CASQ2: variants seen among roughly 807,000 people sequenced by gnomAD.
CASQ2 encodes calsequestrin 2, also known as calsequestrin-2.
In CASQ2, 49 loss-of-function variants were observed where a neutral mutation model predicts 46.5. The observed-to-expected ratio is 1.05, with a 90% confidence interval of 0.84 to 1.34. The LOEUF (loss-of-function observed/expected upper bound fraction) is 1.34. CASQ2 is among the 40% of genes most tolerant of loss of function. CASQ2 has a pLI of 0.00. For missense variants in CASQ2, 486 were observed against 481.3 expected, an observed-to-expected ratio of 1.01 and a Z score of -0.09; for synonymous variants, 174 against 168.5, an observed-to-expected ratio of 1.03 and a Z score of -0.25.
At chr1:115,758,418 A>G (rs1648832839) in intron 1 of CASQ2, among the ~76,000 whole-genome samples, 2 of 152,206 alleles carry the variant, frequency 1.3e-5, no homozygotes, top group Admixed American at 1.3e-4. Context: ...CTACTGAGTC[A>G]GGCACTGGTT....
chr1:115,746,608 T>C (rs937978681), intron 1 of CASQ2, among the ~76,000 whole-genome samples: 1 of 152,248 alleles, frequency 6.6e-6, no homozygotes, highest in Non-Finnish European at 1.5e-5. Context: ...TTAAATGTCC[T>C]GATTTGCCAT....
At position 115,727,003 on chromosome 1, in the gene CASQ2, C is replaced by T; in HGVS notation, c.726G>A (p.Lys242=). The part of the protein sequence containing the change: ...YTEEELVEFV[K]EHQRPTLRRL... ...GCCATCTCAGGCACCTTTGGTGTTC[C>T]TTCACAAACTCCACCAGCTCCTCTT... Residue 242 remains lysine, a synonymous_variant, in exon 6 of 11, where the codon AAG becomes AAA. Transcript: ENST00000261448. 6.2e-7 allele frequency: 1 copy of T among 1,611,472 alleles called. No individual in the cohort carries two copies.
intron 1 of CASQ2, among the ~76,000 whole-genome samples, chr1:115,760,349 C>A (rs1648894415): frequency 6.6e-6 from 1 of 152,166 alleles, no homozygotes; most frequent in South Asian, 2.1e-4. Flanking sequence ...TGAGATATGG[C>A]CTGAGATTCT....
intron 5 of CASQ2, among the ~76,000 whole-genome samples, chr1:115,729,812 C>T (rs1647726709): frequency 6.6e-6 from 1 of 152,164 alleles, no homozygotes; most frequent in South Asian, 2.1e-4. Flanking sequence ...TTAGGTCTTC[C>T]CAACATCTAT....
intron 1 of CASQ2, among the ~76,000 whole-genome samples, chr1:115,745,865 A>T (rs910294487): frequency 1.3e-5 from 2 of 152,222 alleles, no homozygotes; most frequent in African/African-American, 2.4e-5. Context: ...CATCTTGCAA[A>T]ACGGAGGTAC....
intron 1 of CASQ2, among the ~76,000 whole-genome samples, chr1:115,767,553 G>C (rs542508246): frequency 6.6e-6 from 1 of 152,188 alleles, no homozygotes; most frequent in South Asian, 2.1e-4. Flanking sequence ...GCACCCTCAG[G>C]CCCTCTTAAA....
At chr1:115,706,113 T>A (rs1654350545) in intron 8 of CASQ2, among the ~76,000 whole-genome samples, 1 of 152,040 alleles carries the variant, frequency 6.6e-6, no homozygotes, top group Non-Finnish European at 1.5e-5. Context: ...TTCTGGAAGG[T>A]CCCTGAGAAT....
chr1:115,739,367 G>A (rs549746152), intron 3 of CASQ2, among the ~76,000 whole-genome samples: 3 of 151,962 alleles, frequency 2.0e-5, no homozygotes, highest in South Asian at 2.1e-4. Flanking sequence ...AGCCCACCTT[G>A]GCCTCCCAAA....
intron 1 of CASQ2, among the ~76,000 whole-genome samples, chr1:115,757,708 C>A (rs12729460): frequency 0.058 from 8,799 of 152,096 alleles, 324 homozygotes; most frequent in Non-Finnish European, 0.088. Flanking sequence ...CTAAGAATCC[C>A]ATGGCTTAAA....
rs143285693 is a variant in CASQ2, at chr1:115,731,780, T to C, written c.606+1121A>G. ...TTCATCCTCTGTAGAATGAGGATAC[T>C]AATTCCTCCCTTATGGGAGTGTTGA... On this transcript the variant is annotated intron_variant, in intron 5 of 10. Coordinates refer to ENST00000261448, the MANE Select transcript of CASQ2 (RefSeq NM_001232.4). 1.9e-4 allele frequency among the ~76,000 whole-genome samples: 29 copies of C among 152,366 alleles called. 1 individual carries two copies. In the East Asian group the frequency reaches 5.4e-3, roughly 28 times the overall value.
intron 8 of CASQ2, among the ~76,000 whole-genome samples, chr1:115,712,047 C>T (rs1654564857): frequency 6.6e-6 from 1 of 152,152 alleles, no homozygotes; most frequent in South Asian, 2.1e-4. Context: ...AGGACAGGTC[C>T]TCTCTCAGAA....
intron 4 of CASQ2, among the ~76,000 whole-genome samples, chr1:115,737,948 G>A (rs2101091591): frequency 6.6e-6 from 1 of 152,314 alleles, no homozygotes; most frequent in South Asian, 2.1e-4. Flanking sequence ...GGGTAGGCAG[G>A]AAAAGTGGAG....
chr1:115,702,046 C>T (rs1317702143), intron 10 of CASQ2, among the ~76,000 whole-genome samples: 2 of 152,054 alleles, frequency 1.3e-5, no homozygotes, highest in Non-Finnish European at 2.9e-5. Context: ...CCTCAGCCTC[C>T]CAAGTAACTG....
rs6661781 is a variant in CASQ2 at position 115,726,710 on chromosome 1, C to A, written c.737+282G>T. Among the ~76,000 whole-genome samples, 98,358 of 152,150 alleles carry A rather than the reference C, an allele frequency of 0.65. 33,397 individuals are homozygous for A. The highest frequency in any genetic ancestry group is 0.87 in the African/African-American group (35,934 of 41,526). On this transcript the variant is annotated intron_variant, in intron 6 of 10. Coordinates refer to ENST00000261448, the MANE Select transcript of CASQ2 (RefSeq NM_001232.4). ...ATATGGGAACTTTCACTAAATTGCT[C>A]TCATTCCTAGTATAGAATTTTATTT...
intron 5 of CASQ2, among the ~76,000 whole-genome samples, chr1:115,731,197 A>T (rs1417022686): frequency 6.6e-6 from 1 of 152,226 alleles, no homozygotes; most frequent in Non-Finnish European, 1.5e-5. Flanking sequence ...TGAATTTTTA[A>T]TCATAGCCTG....
rs371345572 is a variant in CASQ2 at position 115,740,853 on chromosome 1, G to T, written c.320-25C>A. Reference sequence around the variant, plus strand: ...CCTGTAAGAAACAAAGAGGCCCACAGAGAAGGTCATCCTGACGTAGGAAGA... The same window carrying T: ...CCTGTAAGAAACAAAGAGGCCCACATAGAAGGTCATCCTGACGTAGGAAGA... On this transcript the variant is annotated intron_variant, in intron 2 of 10. Transcript: ENST00000261448. 8.8e-6 allele frequency: 13 copies of T among 1,481,248 alleles called. No individual in the cohort carries two copies. The South Asian group carries it at 1.4e-4, about 15-fold the overall frequency. 91.8% of individuals were successfully genotyped at this position (1,481,248 alleles called of 1,614,324 possible).
chr1:115,737,992 C>A (rs1039829533), intron 4 of CASQ2, among the ~76,000 whole-genome samples: 1 of 152,198 alleles, frequency 6.6e-6, no homozygotes, highest in Non-Finnish European at 1.5e-5. Flanking sequence ...AACACTCAGC[C>A]TGCTTTAAAG....
At chr1:115,745,376 TC>T (rs57307142) in intron 1 of CASQ2, among the ~76,000 whole-genome samples, 66,335 of 151,952 alleles carry the variant, frequency 0.44, 16,835 homozygotes, top group Non-Finnish European at 0.57. Flanking sequence ...ATTCCCCCAC[TC>T]CTGGGCTTGT....
intron 8 of CASQ2, among the ~76,000 whole-genome samples, chr1:115,707,036 C>CT (rs11407551): frequency 0.38 from 54,161 of 143,474 alleles, 10,139 homozygotes; most frequent in Admixed American, 0.44. Context: ...GAAATAGTTC[C>CT]TTTTTTTTTT....
Sources: allele counts gnomAD v4.1 joint callset (sites outside exome capture counted in the v4.1 genomes callset), GRCh38; gene constraint gnomAD v4.1.1; transcripts MANE v1.5; gene names NCBI Gene and HGNC (gene_info 2026-07-23, HGNC 2026-07-21).